The following HTT variants were observed in gnomAD, a reference collection of about 807,000 sequenced individuals.
The protein encoded by HTT is huntingtin, also known as huntington disease protein.
HTT carries 104 observed loss-of-function variants against 362.3 expected under a neutral mutation model. The observed-to-expected ratio is 0.29, with a 90% confidence interval of 0.24 to 0.34. HTT has a LOEUF of 0.34. HTT is among the 10% of genes least tolerant of loss of function. The pLI is 1.00. For synonymous variants in HTT, 1,577 were observed against 1,548.7 expected, an observed-to-expected ratio of 1.02 and a Z score of -0.43; for missense variants, 3,301 against 3,928.6, an observed-to-expected ratio of 0.84 and a Z score of 4.27.
At chr4:3,127,663 C>CAAATAA in intron 12 of HTT, 59 bp downstream of exon 12, 3 of 1,322,418 alleles carry the variant, frequency 2.3e-6, no homozygotes, top group Non-Finnish European at 3.2e-6. Context: ...GACAGAGTCT[C>CAAATAA]ACTCCATAGT....
chr4:3,191,436 T>C (rs1719011264), intron 40 of HTT, among the ~76,000 whole-genome samples: 1 of 152,152 alleles, frequency 6.6e-6, no homozygotes, highest in East Asian at 1.9e-4. Flanking sequence ...CCTCCCAAAG[T>C]GCTGGGATTA....
At chr4:3,093,905 G>GTTTTTTTTT (rs67455911) in intron 2 of HTT, among the ~76,000 whole-genome samples, 3 of 23,900 alleles carry the variant, frequency 1.3e-4, no homozygotes, top group African/African-American at 1.5e-4. Context: ...CTTTAAGTTG[G>GTTTTTTTTT]TTTTTTTTTT....
chr4:3,132,593 C>T lies in HTT; in HGVS notation c.2268C>T (p.Tyr756=). Residue 756 remains tyrosine (Y), a synonymous_variant, in exon 17 of 67, where the codon TAC becomes TAT. Coordinates refer to ENST00000355072, the MANE Select transcript of HTT (RefSeq NM_001388492.1). ...EEQYVSDILN[Y]IDHGDPQVRG... ...AGTATGTCTCAGACATCTTGAACTA[C>T]ATCGATCATGGAGACCCACAGGTTC... is the stretch of plus-strand genomic sequence containing the variant. 1 of 1,614,042 alleles carries T rather than the reference C, an allele frequency of 6.2e-7. No individual in the cohort carries two copies. Among genetic ancestry groups the T allele is most frequent in the Non-Finnish European group, 8.5e-7 (1 of 1,179,922 alleles).
chr4:3,206,436 T>G lies in HTT; in HGVS notation c.5719-60T>G. The G allele has an allele frequency of 7.3e-7, 1 of 1,373,926 alleles. No homozygotes were observed. Among genetic ancestry groups the G allele is most frequent in the Non-Finnish European group, 1.0e-6 (1 of 965,940 alleles). 85.1% of individuals were successfully genotyped at this position (1,373,926 alleles called of 1,614,324 possible). On this transcript the variant is annotated intron_variant, in intron 42 of 66. Coordinates refer to ENST00000355072, the MANE Select transcript of HTT (RefSeq NM_001388492.1). The surrounding 1 kb of genome is among the most constrained non-coding windows in gnomAD (Gnocchi z 4.6). ...TACCCTTTCTGGCCTTTCTATGGCA[T>G]TAATACCTGGTCTCTTCTTGTGTAC...
chr4:3,231,576 C>G (rs1276109438), intron 60 of HTT, among the ~76,000 whole-genome samples: 1 of 152,190 alleles, frequency 6.6e-6, no homozygotes, highest in Non-Finnish European at 1.5e-5. Context: ...CTGTCCTCCC[C>G]GAGCCCAAAC....
chr4:3,136,413 A>T, intron 21 of HTT, 87 bp downstream of exon 21: 1 of 637,628 alleles, frequency 1.6e-6, no homozygotes, highest in South Asian at 2.2e-5. Flanking sequence ...AATTCAAAGG[A>T]TGTAGAGCAG....
At chr4:3,220,145 C>G (rs362276) in intron 52 of HTT, 37 bp from the exon 53 acceptor site, 175,513 of 1,611,672 alleles carry the variant, frequency 0.11, 10,924 homozygotes, top group African/African-American at 0.25. Flanking sequence ...TGTCCTGACT[C>G]AACTCGGATG....
Position 3,175,011 on chromosome 4 carries a change from G to A in HTT, c.4311G>A (p.Thr1437=), listed in dbSNP as rs771433441. Residue 1437 remains threonine, a synonymous_variant, in exon 33 of 67, where the codon ACG becomes ACA. Transcript: ENST00000355072. ...TTATAAAAGCTTTAAAACAGTACAC[G>A]ACTACAACATGTGTGCAGTTACAGA... The part of the protein sequence containing the change: ...PLVIKALKQY[T]TTTCVQLQKQ... 6.8e-6 allele frequency: 11 copies of A among 1,612,162 alleles called. No homozygotes were observed. The East Asian group carries it at 8.9e-5, about 13-fold the overall frequency.
In HTT at chr4:3,228,902, A is replaced by G. The variant is rs756025741; in HGVS notation, c.8002A>G (p.Ile2668Val). 6.2e-7 allele frequency: 1 copy of G among 1,613,698 alleles called. No homozygotes were observed. The highest frequency in any genetic ancestry group is 1.7e-5 in the Admixed American group (1 of 59,984). The change falls in exon 59 of 67, where the codon ATC becomes GTC. Residue 2668 changes from isoleucine to valine, a missense_variant. Around this residue, in one of 4 missense-constraint regions of HTT, gnomAD observed 753 missense variants for 1,021.3 expected, o/e 0.74. Transcript: ENST00000355072. This position sits in a 1 kb window ranked among gnomAD's most constrained non-coding sequence, Gnocchi z 4.3. The stretch of plus-strand genomic sequence containing the variant: ...CAGGAAACACCGGGCTGGAGTTGAC[A>G]TCCACTCCTGTTCGCAGTTTTTGCT... Reference protein sequence around the residue: ...NSRKHRAGVDIHSCSQFLLEL... With the variant: ...NSRKHRAGVDVHSCSQFLLEL...
intron 40 of HTT, among the ~76,000 whole-genome samples, chr4:3,197,903 T>C (rs1719330696): frequency 6.6e-6 from 1 of 152,140 alleles, no homozygotes. Flanking sequence ...TTGAAGGCAG[T>C]GCATGCCTCT....
Position 3,102,071 on chromosome 4 carries a change from G to T in HTT, c.469-1753G>T, listed in dbSNP as rs138727354. On this transcript the variant is annotated intron_variant, in intron 3 of 66. Transcript: ENST00000355072. ...AGGGGCTCTTGAAGACTTTGGATGT[G>T]GTCAGGGGAGTGTATCATTTAGGAA... is the stretch of plus-strand genomic sequence containing the variant. Among the ~76,000 whole-genome samples, 5 of 152,316 alleles carry T rather than the reference G, an allele frequency of 3.3e-5. No homozygotes were observed. The East Asian group carries it at 9.7e-4, about 29-fold the overall frequency.
chr4:3,140,763 G>A (rs1716306576), intron 22 of HTT, 107 bp downstream of exon 22: 1 of 1,119,968 alleles, frequency 8.9e-7, no homozygotes, highest in African/African-American at 1.6e-5. Context: ...AAAAGCTTCA[G>A]CTCAGGATGT....
At chr4:3,110,063 C>T (rs1160575652) in intron 6 of HTT, among the ~76,000 whole-genome samples, 1 of 152,150 alleles carries the variant, frequency 6.6e-6, no homozygotes, top group Non-Finnish European at 1.5e-5. Context: ...ATCACCATGT[C>T]GTGTTCAATC....
chr4:3,144,382 A>G (rs1446458142), intron 23 of HTT, among the ~76,000 whole-genome samples: 1 of 152,144 alleles, frequency 6.6e-6, no homozygotes, highest in Non-Finnish European at 1.5e-5. Flanking sequence ...CAGTGGCATG[A>G]TCTTGGCTCA....
At chr4:3,130,273 G>A (rs747871922) in intron 13 of HTT, 32 bp from the exon 14 acceptor site, 1 of 1,301,278 alleles carries the variant, frequency 7.7e-7, no homozygotes, top group Non-Finnish European at 1.1e-6. Flanking sequence ...GTGGAAATTT[G>A]TCACTTAATC....
intron 53 of HTT, among the ~76,000 whole-genome samples, chr4:3,220,660 C>T (rs1352865455): frequency 6.6e-6 from 1 of 151,968 alleles, no homozygotes; most frequent in Non-Finnish European, 1.5e-5. Context: ...TTCTTGTGTT[C>T]ACCAGTCTGA....
intron 57 of HTT, among the ~76,000 whole-genome samples, chr4:3,226,611 C>T (rs562412203): frequency 7.9e-5 from 12 of 152,368 alleles, no homozygotes; most frequent in East Asian, 5.8e-4. Flanking sequence ...CTGTGTCTTT[C>T]GCTCACCGGG....
intron 31 of HTT, 152 bp from the exon 32 acceptor site, chr4:3,174,569 C>T: frequency 3.3e-6 from 2 of 601,586 alleles, no homozygotes; most frequent in African/African-American, 1.8e-5. Context: ...GGCGATGCTG[C>T]CACACTGAGT....
chr4:3,225,864 T>A (rs1017999677), intron 57 of HTT, 121 bp downstream of exon 57: 24 of 671,672 alleles, frequency 3.6e-5, no homozygotes, highest in Admixed American at 1.3e-4. Flanking sequence ...TTCCTTTTTT[T>A]TAAAAAAAAA....
Sources: gnomAD v4.1 joint callset for allele counts (sites outside exome capture counted in the v4.1 genomes callset) on GRCh38, gnomAD v4.1.1 for gene constraint, gnomAD v4.1.1 regional missense constraint, Gnocchi (gnomAD v3.1) non-coding constraint, MANE v1.5 for transcripts, NCBI Gene and HGNC (gene_info 2026-07-23, HGNC 2026-07-21) for gene names.